The following MYT1L variants were observed in gnomAD, a reference collection of about 807,000 sequenced individuals.
MYT1L encodes myelin transcription factor 1-like protein.
MYT1L carries 12 observed loss-of-function variants against 126.7 expected under a neutral mutation model. The ratio of observed to expected loss-of-function variants is 0.09; its 90% CI spans 0.06 to 0.15. MYT1L has a LOEUF of 0.15. Ranked by LOEUF, MYT1L falls within the 10% of genes least tolerant of loss-of-function variation. The pLI is 1.00. For missense variants in MYT1L, 979 were observed against 1,585.2 expected, an observed-to-expected ratio of 0.62 and a Z score of 6.49; for synonymous variants, 541 against 604.2, an observed-to-expected ratio of 0.90 and a Z score of 1.53.
chr2:2,306,232 C>T (rs1001878524), intron 1 of MYT1L: 1 of 152,160 alleles, frequency 6.6e-6, no homozygotes, highest in Admixed American at 6.6e-5. Flanking sequence ...TCATCATTAA[C>T]ATTGATTGCT....
intron 5 of MYT1L, among the ~76,000 whole-genome samples, chr2:1,994,680 T>A (rs902974027): frequency 6.6e-6 from 1 of 152,268 alleles, no homozygotes; most frequent in Non-Finnish European, 1.5e-5. Flanking sequence ...ATAGGGCTGT[T>A]CTGAGACTAC....
intron 3 of MYT1L, among the ~76,000 whole-genome samples, chr2:2,088,375 C>T (rs1333557255): frequency 1.3e-5 from 2 of 152,186 alleles, no homozygotes; most frequent in Non-Finnish European, 2.9e-5. Context: ...GTGAGGATTC[C>T]TATCTCAAGA....
At chr2:2,104,616 G>C (rs1195519058) in intron 3 of MYT1L, among the ~76,000 whole-genome samples, 1 of 152,200 alleles carries the variant, frequency 6.6e-6, no homozygotes, top group African/African-American at 2.4e-5. Flanking sequence ...TGGTCTCTGC[G>C]TCCAGTTACA....
intron 2 of MYT1L, among the ~76,000 whole-genome samples, chr2:2,253,048 T>G (rs2094697452): frequency 6.6e-6 from 1 of 152,048 alleles, no homozygotes; most frequent in African/African-American, 2.4e-5. Context: ...CAAGTTTTTC[T>G]GCAAAATTTT....
intron 2 of MYT1L, among the ~76,000 whole-genome samples, chr2:2,215,923 T>G (rs2093662108): frequency 6.6e-6 from 1 of 152,172 alleles, no homozygotes; most frequent in Non-Finnish European, 1.5e-5. Flanking sequence ...GGATCCCTCA[T>G]GGCACGGTAC....
At chr2:2,193,219 C>T (rs1213940108) in intron 2 of MYT1L, among the ~76,000 whole-genome samples, 2 of 152,112 alleles carry the variant, frequency 1.3e-5, no homozygotes, top group African/African-American at 2.4e-5. Flanking sequence ...CTCAGGTGAT[C>T]CACCCACCTT....
intron 1 of MYT1L, among the ~76,000 whole-genome samples, chr2:2,328,900 C>A (rs1290297035): frequency 6.6e-6 from 1 of 152,196 alleles, no homozygotes; most frequent in Non-Finnish European, 1.5e-5. Flanking sequence ...CTGCCACCAT[C>A]TTCAAAACAT....
intron 2 of MYT1L, among the ~76,000 whole-genome samples, chr2:2,174,580 C>A (rs199636555): frequency 3.0e-4 from 45 of 150,614 alleles, no homozygotes; most frequent in Non-Finnish European, 5.7e-4. Flanking sequence ...TCCCAGACAA[C>A]GCAGTTTGAT....
intron 3 of MYT1L, among the ~76,000 whole-genome samples, chr2:2,110,888 G>A (rs192125722): frequency 6.6e-6 from 1 of 152,274 alleles, no homozygotes; most frequent in Non-Finnish European, 1.5e-5. Flanking sequence ...GACCACAACT[G>A]AGGTCTCAGG....
intron 2 of MYT1L, among the ~76,000 whole-genome samples, chr2:2,254,818 A>G (rs1381837336): frequency 1.3e-5 from 2 of 152,118 alleles, no homozygotes; most frequent in Non-Finnish European, 2.9e-5. Context: ...GACCAAGAAA[A>G]TTGTCCTCCA....
In MYT1L at chr2:2,129,121, C is replaced by T. The variant is rs558078332; in HGVS notation, c.-304+43751G>A. Among the ~76,000 whole-genome samples the T allele has an allele frequency of 1.4e-4, 21 of 152,304 alleles. No homozygotes were observed. The East Asian group carries it at 2.5e-3, about 18-fold the overall frequency. ...AAACCTCGTTCACTGAGAAGACAGACGCTAATCCACAAACCCAGAGCAAGA... is the reference window on the plus strand; with the variant it reads ...AAACCTCGTTCACTGAGAAGACAGATGCTAATCCACAAACCCAGAGCAAGA... On this transcript the variant is annotated intron_variant, in intron 3 of 24. Transcript: ENST00000647738.
At position 1,889,452 on chromosome 2, in the gene MYT1L, T is replaced by C. The variant is rs1322053242; in HGVS notation, c.2309A>G (p.Asn770Ser). Residue 770 changes from asparagine to serine, a missense_variant, in exon 16 of 25, where the codon AAC (asparagine) becomes AGC (serine). Asn to Ser is a conservative substitution (Grantham distance 46). Coordinates refer to ENST00000647738, the MANE Select transcript of MYT1L (RefSeq NM_001303052.2). This position sits in a 1 kb window ranked among gnomAD's most constrained non-coding sequence, Gnocchi z 4.1. ...GTTCATGCTGAGGTCCAGGGTCCCG[T>C]TCTCATCCACCTCCATGTCAGGGTT... Reference protein sequence around the residue: ...TRNPDMEVDENGTLDLSMNKQ... With the variant: ...TRNPDMEVDESGTLDLSMNKQ... 4.4e-6 allele frequency: 7 copies of C among 1,606,880 alleles called. No individual in the cohort carries two copies. Among genetic ancestry groups the C allele is most frequent in the Non-Finnish European group, 6.0e-6 (7 of 1,174,824 alleles).
intron 2 of MYT1L, among the ~76,000 whole-genome samples, chr2:2,196,115 G>T (rs2092786788): frequency 6.7e-6 from 1 of 148,516 alleles, no homozygotes; most frequent in African/African-American, 2.6e-5. Flanking sequence ...AAAACTTCTG[G>T]AAATCAAATA....
chr2:2,029,587 G>A (rs916405827), intron 4 of MYT1L, among the ~76,000 whole-genome samples: 1 of 152,080 alleles, frequency 6.6e-6, no homozygotes, highest in Admixed American at 6.5e-5. Context: ...GACTTGGGTG[G>A]GGACACAGCA....
chr2:2,226,375 A>G (rs1182305031), intron 2 of MYT1L, among the ~76,000 whole-genome samples: 2 of 152,212 alleles, frequency 1.3e-5, no homozygotes, highest in Admixed American at 6.5e-5. Flanking sequence ...TGGATGGAAT[A>G]TAATTCTCAC....
At position 2,231,568 on chromosome 2, in the gene MYT1L, C is replaced by G. The variant is rs1432601398; in HGVS notation, c.-421+52836G>C. Among the ~76,000 whole-genome samples, 3 of 152,130 alleles carry G rather than the reference C, an allele frequency of 2.0e-5. 1 individual carries two copies. On this transcript the variant is annotated intron_variant, in intron 2 of 24. Transcript: ENST00000647738. ...GCTCAAGCAATCCTCCCACCTCAGC[C>G]TCCCGAGTAGCTGGCACTACAGGCA...
At chr2:2,300,428 A>G (rs1559601940) in intron 1 of MYT1L, among the ~76,000 whole-genome samples, 2 of 152,234 alleles carry the variant, frequency 1.3e-5, no homozygotes, top group Admixed American at 6.5e-5. Flanking sequence ...GTGATTCACA[A>G]TTGTTCACAA....
intron 2 of MYT1L, among the ~76,000 whole-genome samples, chr2:2,211,803 C>CA (rs35770675): frequency 0.15 from 8,878 of 58,878 alleles, 413 homozygotes; most frequent in Middle Eastern, 0.28. Flanking sequence ...GACTCCATGT[C>CA]AAAAAAAAAA....
chr2:2,293,088 C>T (rs528144664), intron 1 of MYT1L, among the ~76,000 whole-genome samples: 1 of 152,182 alleles, frequency 6.6e-6, no homozygotes, highest in African/African-American at 2.4e-5. Context: ...AAGACAGCCA[C>T]CCTGGAGGCA....
Sources: allele counts gnomAD v4.1 joint callset (sites outside exome capture counted in the v4.1 genomes callset), GRCh38; gene constraint gnomAD v4.1.1; non-coding constraint Gnocchi (gnomAD v3.1); transcripts MANE v1.5; gene names NCBI Gene and HGNC (gene_info 2026-07-23, HGNC 2026-07-21).